NAT1: variants seen among roughly 807,000 people sequenced by gnomAD.
The protein encoded by NAT1 is N-acetyltransferase 1.
For synonymous variants in NAT1, 144 were observed against 122.6 expected (o/e 1.17, Z -1.16); for missense variants, 400 against 339.2 (o/e 1.18, Z -1.41).
chr8:18,190,242 T>C (rs1802925819), intron 2 of NAT1, among the ~76,000 whole-genome samples: 1 of 152,206 alleles, frequency 6.6e-6, no homozygotes, highest in South Asian at 2.1e-4. Flanking sequence ...CAGGCTACTG[T>C]TGTAAGTTTA....
intron 1 of NAT1, chr8:18,212,864 G>C (rs1489605514): frequency 6.6e-6 from 1 of 152,174 alleles, no homozygotes; most frequent in East Asian, 1.9e-4. Flanking sequence ...ACCCTGAGCA[G>C]GCTCTATTTT....
intron 1 of NAT1, among the ~76,000 whole-genome samples, chr8:18,215,504 T>A (rs1347574050): frequency 6.6e-6 from 1 of 152,256 alleles, no homozygotes; most frequent in African/African-American, 2.4e-5. Flanking sequence ...CTGTCCTTAA[T>A]TAGTATTCTA....
chr8:18,213,283 A>T (rs188866668), intron 1 of NAT1, among the ~76,000 whole-genome samples: 2 of 151,960 alleles, frequency 1.3e-5, no homozygotes, highest in Non-Finnish European at 2.9e-5. Flanking sequence ...TGTCTAAAAA[A>T]CTTTAGACAG....
In NAT1 at chr8:18,222,533, C is replaced by T. The variant is rs1207468857; in HGVS notation, c.486C>T (p.Asp162=). Residue 162 remains aspartate, a synonymous_variant, in exon 3 of 3, where the codon GAC becomes GAT. Transcript: ENST00000307719. ...LTEENGFWYL[D]QIRREQYIPN... ...AAGAGAATGGATTCTGGTATCTAGA[C>T]CAAATCAGAAGGGAACAGTACATTC... The T allele has an allele frequency of 3.1e-6, 5 of 1,614,098 alleles. No individual in the cohort carries two copies. In the African/African-American group the frequency reaches 5.3e-5, roughly 17 times the overall value.
intron 2 of NAT1, among the ~76,000 whole-genome samples, chr8:18,197,144 T>A (rs1005561): frequency 6.6e-6 from 1 of 151,976 alleles, no homozygotes; most frequent in East Asian, 1.9e-4. Flanking sequence ...GGAAACCACC[T>A]CCAAGATCCA....
At chr8:18,217,966 A>G (rs1804866907) in intron 1 of NAT1, among the ~76,000 whole-genome samples, 1 of 152,032 alleles carries the variant, frequency 6.6e-6, no homozygotes, top group African/African-American at 2.4e-5. Context: ...ATTTATCTCT[A>G]CCTTTATTGG....
intron 2 of NAT1, among the ~76,000 whole-genome samples, chr8:18,176,562 G>A (rs1322584109): frequency 6.6e-6 from 1 of 150,588 alleles, no homozygotes; most frequent in Non-Finnish European, 1.5e-5. Context: ...ATTGGTTGAG[G>A]CGTCTGTTTT....
At position 18,210,820 on chromosome 8, in the gene NAT1, G is replaced by A. The variant is rs535335503; in HGVS notation, c.-86+640G>A. On this transcript the variant is annotated intron_variant, in intron 1 of 2. Transcript: ENST00000307719. ...GGCAGAGCCTTGCCCCATTGCCCAG[G>A]CTGGAGTGCAGTGGCGTGATCTCAG... Among the ~76,000 whole-genome samples the A allele has an allele frequency of 1.2e-3, 184 of 152,178 alleles. 1 individual carries two copies. Among genetic ancestry groups the A allele is most frequent in the Non-Finnish European group, 2.2e-3 (151 of 68,036 alleles).
chr8:18,198,075 T>A (rs4921877), intron 2 of NAT1, among the ~76,000 whole-genome samples: 116,401 of 152,006 alleles, frequency 0.77, 44,986 homozygotes, highest in African/African-American at 0.87. Context: ...AGAGATACCA[T>A]GCCTTATAGA....
chr8:18,184,141 C>T (rs1407466109), intron 2 of NAT1, among the ~76,000 whole-genome samples: 1 of 152,186 alleles, frequency 6.6e-6, no homozygotes, highest in African/African-American at 2.4e-5. Flanking sequence ...TGCCTGGGCC[C>T]CATGACTTGC....
At chr8:18,194,818 T>TA (rs57703927) in intron 2 of NAT1, among the ~76,000 whole-genome samples, 18,575 of 143,300 alleles carry the variant, frequency 0.13, 1,203 homozygotes, top group South Asian at 0.2. Context: ...GACTCTGTCT[T>TA]AAAAAAAAAA....
intron 2 of NAT1, among the ~76,000 whole-genome samples, chr8:18,196,497 A>C (rs1316242090): frequency 6.6e-6 from 1 of 152,236 alleles, no homozygotes; most frequent in African/African-American, 2.4e-5. Context: ...ACTTCAGTAC[A>C]AAAAGAGATG....
intron 2 of NAT1, among the ~76,000 whole-genome samples, chr8:18,201,648 C>A (rs111682072): frequency 9.6e-4 from 146 of 152,344 alleles, no homozygotes; most frequent in Middle Eastern, 3.4e-3. Context: ...GGCTGACCAG[C>A]GTGGGCTGAC....
rs1805210642 is a variant in NAT1 at position 18,220,894 on chromosome 8, T to C, written c.-6-1148T>C. 2.0e-5 allele frequency among the ~76,000 whole-genome samples: 3 copies of C among 152,206 alleles called. No homozygotes were observed. The South Asian group carries it at 6.2e-4, about 32-fold the overall frequency. On this transcript the variant is annotated intron_variant, in intron 2 of 2. Coordinates refer to ENST00000307719, the MANE Select transcript of NAT1 (RefSeq NM_000662.8). ...AAGCACTGGTCCTAGAGCATATGTG[T>C]TCAAATTGGTCCCACCTAGTCCATG...
At chr8:18,221,948 A>G (rs1805343481) in intron 2 of NAT1, 94 bp from the exon 3 acceptor site, 1 of 1,289,872 alleles carries the variant, frequency 7.8e-7, no homozygotes, top group Non-Finnish European at 1.1e-6. Context: ...TAACCATTGT[A>G]TTTTTACATG....
chr8:18,175,457 A>T (rs1368702481), intron 2 of NAT1, among the ~76,000 whole-genome samples: 1 of 152,072 alleles, frequency 6.6e-6, no homozygotes, highest in Admixed American at 6.6e-5. Flanking sequence ...AACAAGTAAG[A>T]TTATACAGTA....
intron 1 of NAT1, among the ~76,000 whole-genome samples, chr8:18,213,475 A>G (rs2117355071): frequency 6.6e-6 from 1 of 152,290 alleles, no homozygotes; most frequent in East Asian, 1.9e-4. Flanking sequence ...ACTGTTTACC[A>G]GTAAACAGTA....
intron 2 of NAT1, among the ~76,000 whole-genome samples, chr8:18,171,656 C>A (rs1299588947): frequency 1.3e-5 from 2 of 151,566 alleles, no homozygotes; most frequent in African/African-American, 4.8e-5. Context: ...GAAAACAAAA[C>A]AAAACAAAAA....
chr8:18,209,062 C>T (rs1039166930), upstream of NAT1, among the ~76,000 whole-genome samples: 5 of 152,228 alleles, frequency 3.3e-5, no homozygotes, highest in Admixed American at 3.3e-4. Context: ...CATAATTCCA[C>T]TGGACAACAC....
Sources: gnomAD v4.1 joint callset for allele counts (sites outside exome capture counted in the v4.1 genomes callset) on GRCh38, gnomAD v4.1.1 for gene constraint, MANE v1.5 for transcripts, NCBI Gene and HGNC (gene_info 2026-07-23, HGNC 2026-07-21) for gene names.